PAN3: variants seen among roughly 807,000 people sequenced by gnomAD.
PAN3 encodes PAN2-PAN3 deadenylation complex subunit PAN3.
In PAN3, 19 loss-of-function variants were observed where a neutral mutation model predicts 96.2. The ratio of observed to expected loss-of-function variants is 0.20; its 90% CI spans 0.14 to 0.29. PAN3 has a LOEUF of 0.29. PAN3 is among the 10% of genes least tolerant of loss of function. The pLI is 1.00. For missense variants in PAN3, 882 were observed against 1,108.1 expected (o/e 0.80, Z 2.90); for synonymous variants, 433 against 406.6 (o/e 1.06, Z -0.78).
intron 1 of PAN3, among the ~76,000 whole-genome samples, chr13:28,173,945 G>A (rs1348637514): frequency 6.6e-6 from 1 of 152,132 alleles, no homozygotes; most frequent in East Asian, 1.9e-4. Context: ...AGGAGAAATT[G>A]TTGTCCTTTT....
At chr13:28,187,546 T>G (rs1041298901) in intron 4 of PAN3, among the ~76,000 whole-genome samples, 3 of 152,158 alleles carry the variant, frequency 2.0e-5, no homozygotes, top group African/African-American at 7.2e-5. Flanking sequence ...TTTGTAACAC[T>G]GAGATTTTAA....
chr13:28,249,360 C>T (rs755536268), intron 6 of PAN3, among the ~76,000 whole-genome samples: 1 of 152,078 alleles, frequency 6.6e-6, no homozygotes, highest in Non-Finnish European at 1.5e-5. Flanking sequence ...TTCTGTTTCA[C>T]GTGGTCACCA....
In PAN3 at chr13:28,256,276, T is replaced by C. The variant is rs1167997911; in HGVS notation, c.1001-16T>C. ...AATTATTGCTCCATTAAGAAACATT[T>C]TTACATCTTCTTCAGGAATGTCGTT... On this transcript the variant is annotated splice_polypyrimidine_tract_variant and intron_variant, in intron 6 of 18. Transcript: ENST00000380958. The C allele has an allele frequency of 1.2e-6, 2 of 1,605,342 alleles. No individual in the cohort carries two copies. The highest frequency in any genetic ancestry group is 1.7e-6 in the Non-Finnish European group (2 of 1,175,598).
At chr13:28,177,468 A>G (rs112024337) in intron 3 of PAN3, among the ~76,000 whole-genome samples, 237 of 152,260 alleles carry the variant, frequency 1.6e-3, no homozygotes, top group African/African-American at 5.3e-3. Flanking sequence ...CTCAGAGTCT[A>G]TGGTTGACAC....
At chr13:28,181,621 G>A (rs1281535031) in intron 4 of PAN3, among the ~76,000 whole-genome samples, 1 of 151,998 alleles carries the variant, frequency 6.6e-6, no homozygotes, top group Non-Finnish European at 1.5e-5. Context: ...CTGAAGAGTT[G>A]TGTGGTGAGA....
intron 5 of PAN3, among the ~76,000 whole-genome samples, chr13:28,199,609 G>A (rs900066253): frequency 6.6e-6 from 1 of 152,096 alleles, no homozygotes; most frequent in Non-Finnish European, 1.5e-5. Context: ...ATTACTGTCT[G>A]TGTAGATTCC....
chr13:28,283,006 G>C (rs1440787185), intron 17 of PAN3, among the ~76,000 whole-genome samples: 1 of 151,648 alleles, frequency 6.6e-6, no homozygotes, highest in Non-Finnish European at 1.5e-5. Context: ...ACACATTATT[G>C]ATACTGTGAA....
At chr13:28,261,563 T>C in intron 9 of PAN3, 105 bp downstream of exon 9, 1 of 973,870 alleles carries the variant, frequency 1.0e-6, no homozygotes, top group Non-Finnish European at 1.5e-6. Flanking sequence ...CTGGGCCTGG[T>C]GGCTCATACC....
rs566292948 is a variant in PAN3 at position 28,174,833 on chromosome 13, T to C, written c.552+440T>C. 2.0e-5 allele frequency among the ~76,000 whole-genome samples: 3 copies of C among 152,346 alleles called. No homozygotes were observed. In the South Asian group the frequency reaches 6.2e-4, roughly 32 times the overall value. On this transcript the variant is annotated intron_variant, in intron 2 of 18. Transcript: ENST00000380958. ...TTACTGGTTACAAGTTTCCTGTGTA[T>C]CCTCTCAGGAATATTCTTTGCATAT... is the stretch of plus-strand genomic sequence containing the variant.
intron 1 of PAN3, among the ~76,000 whole-genome samples, chr13:28,152,600 C>T (rs1316441056): frequency 6.7e-6 from 1 of 149,858 alleles, no homozygotes; most frequent in Admixed American, 6.6e-5. Flanking sequence ...AACCAAAAAA[C>T]AAAAAAAAAT....
rs560540471 is a variant in PAN3, at chr13:28,192,987, A to G, written c.691-4198A>G. 3.9e-5 allele frequency among the ~76,000 whole-genome samples: 6 copies of G among 152,348 alleles called. No homozygotes were observed. In the South Asian group the frequency reaches 8.3e-4, roughly 21 times the overall value. Reference sequence around the variant, plus strand: ...TTAAATAGTATTGATACCTTAGGGCAGGAGTGTCCAATTTTTTGGCTTCCT... The same window carrying G: ...TTAAATAGTATTGATACCTTAGGGCGGGAGTGTCCAATTTTTTGGCTTCCT... On this transcript the variant is annotated intron_variant, in intron 4 of 18. Coordinates refer to ENST00000380958, the MANE Select transcript of PAN3 (RefSeq NM_175854.8).
chr13:28,254,040 C>G (rs1222419375), intron 6 of PAN3, among the ~76,000 whole-genome samples: 1 of 152,120 alleles, frequency 6.6e-6, no homozygotes, highest in African/African-American at 2.4e-5. Context: ...ATGTCAGAAT[C>G]TTTCCCTTCA....
chr13:28,215,687 C>G (rs1365193408), intron 5 of PAN3: 1 of 1,485,804 alleles, frequency 6.7e-7, no homozygotes, highest in African/African-American at 1.4e-5. Flanking sequence ...GCCCTAAATT[C>G]TTGAAGTCTG....
At chr13:28,276,515 C>A (rs1307922273) in intron 14 of PAN3, among the ~76,000 whole-genome samples, 2 of 152,086 alleles carry the variant, frequency 1.3e-5, no homozygotes, top group Non-Finnish European at 2.9e-5. Context: ...TTTGAAAATC[C>A]TTTTAGAAGG....
intron 17 of PAN3, among the ~76,000 whole-genome samples, chr13:28,284,724 T>C (rs1398275486): frequency 6.6e-6 from 1 of 152,192 alleles, no homozygotes; most frequent in African/African-American, 2.4e-5. Context: ...ACCTCTTCCA[T>C]ACTATTTTAA....
At chr13:28,212,088 G>A (rs1033389181) in intron 5 of PAN3, among the ~76,000 whole-genome samples, 15 of 152,220 alleles carry the variant, frequency 9.9e-5, no homozygotes. Context: ...TGTGAATTCA[G>A]GATGTGAATG....
chr13:28,190,960 A>G (rs1877182790), intron 4 of PAN3, among the ~76,000 whole-genome samples: 1 of 152,206 alleles, frequency 6.6e-6, no homozygotes, highest in Non-Finnish European at 1.5e-5. Flanking sequence ...GGCATTTTCA[A>G]ATGCTTTTAT....
At chr13:28,152,915 A>T (rs974025517) in intron 1 of PAN3, among the ~76,000 whole-genome samples, 6 of 152,164 alleles carry the variant, frequency 3.9e-5, no homozygotes, top group African/African-American at 1.4e-4. Context: ...TTGTGTGGGT[A>T]TGGGGGGGAA....
intron 1 of PAN3, among the ~76,000 whole-genome samples, chr13:28,172,045 G>T (rs777448491): frequency 1.3e-5 from 2 of 152,212 alleles, no homozygotes; most frequent in Non-Finnish European, 2.9e-5. Flanking sequence ...TTGAACAAAA[G>T]ATGCTCCTAG....
Sources: gnomAD v4.1 joint callset for allele counts (sites outside exome capture counted in the v4.1 genomes callset) on GRCh38, gnomAD v4.1.1 for gene constraint, MANE v1.5 for transcripts, NCBI Gene and HGNC (gene_info 2026-07-23, HGNC 2026-07-21) for gene names.